Variants in ZNF638 observed in about 807,000 individuals in gnomAD.
The protein encoded by ZNF638 is zinc finger protein 638.
Under a neutral mutation model 195.6 loss-of-function variants are expected in ZNF638, and 46 were observed. The ratio of observed to expected loss-of-function variants is 0.24; its 90% confidence interval spans 0.19 to 0.30. ZNF638 has a LOEUF of 0.30. Among genes scored for constraint, ZNF638 ranks in the 10% least tolerant of loss-of-function variants. The pLI is 1.00. For missense variants in ZNF638, 2,440 were observed against 2,325.3 expected (o/e 1.05, Z -1.01); for synonymous variants, 845 against 772.0 (o/e 1.09, Z -1.57).
At chr2:71,425,776 T>A (rs2080526903) in intron 23 of ZNF638, among the ~76,000 whole-genome samples, 1 of 152,054 alleles carries the variant, frequency 6.6e-6, no homozygotes, top group South Asian at 2.1e-4. Flanking sequence ...TTCAAGTGTT[T>A]CTCCTGCCTC....
At chr2:71,418,330 C>A (rs540566950) in intron 20 of ZNF638, 351 of 263,530 alleles carry the variant, frequency 1.3e-3, no homozygotes, top group Non-Finnish European at 2.0e-3. Flanking sequence ...TTCCAGGCTT[C>A]TAAAGTTAAT....
At chr2:71,410,002 G>A (rs1411313280) in intron 20 of ZNF638, among the ~76,000 whole-genome samples, 4 of 152,070 alleles carry the variant, frequency 2.6e-5, no homozygotes, top group East Asian at 1.9e-4. Context: ...TTGCTCTTAC[G>A]TATTTCATTG....
At chr2:71,337,903 T>A (rs1448501286) in intron 1 of ZNF638, among the ~76,000 whole-genome samples, 17 of 152,222 alleles carry the variant, frequency 1.1e-4, no homozygotes, top group Non-Finnish European at 1.5e-5. Context: ...AAGTTGACAT[T>A]TTTGAAGAAT....
At position 71,348,839 on chromosome 2, in the gene ZNF638, C is replaced by G. The variant is rs778627194; in HGVS notation, c.-116C>G. The G allele has an allele frequency of 3.1e-6, 5 of 1,607,618 alleles. No individual in the cohort carries two copies. The South Asian group carries it at 4.4e-5, about 14-fold the overall frequency. The stretch of plus-strand genomic sequence containing the variant: ...AACCCACTTCTGTTGGGCCCATCTC[C>G]TTTGCACTTTGCTCAGATTAAGACT... On this transcript the variant is annotated 5_prime_UTR_variant, in exon 2 of 28. Coordinates refer to ENST00000264447, the MANE Select transcript of ZNF638 (RefSeq NM_014497.5).
intron 2 of ZNF638, among the ~76,000 whole-genome samples, chr2:71,351,361 C>T (rs2078937506): frequency 6.6e-6 from 1 of 152,160 alleles, no homozygotes; most frequent in Non-Finnish European, 1.5e-5. Context: ...AGCATTCTAC[C>T]CCATTTTAGC....
At chr2:71,354,391 A>T (rs1179959290) in intron 2 of ZNF638, among the ~76,000 whole-genome samples, 2 of 149,106 alleles carry the variant, frequency 1.3e-5, no homozygotes, top group Non-Finnish European at 3.0e-5. Flanking sequence ...ATTTATGGGT[A>T]CACATTGTAA....
At chr2:71,339,711 G>T (rs3771379) in intron 1 of ZNF638, among the ~76,000 whole-genome samples, 70,754 of 151,950 alleles carry the variant, frequency 0.47, 18,324 homozygotes, top group Admixed American at 0.6. Flanking sequence ...GCAGTAAATA[G>T]GGCTGTTAAC....
intron 21 of ZNF638, among the ~76,000 whole-genome samples, chr2:71,421,617 A>AGGGTAC (rs1352427369): frequency 1.3e-5 from 2 of 152,160 alleles, no homozygotes; most frequent in Non-Finnish European, 2.9e-5. Flanking sequence ...TGTTAACTGA[A>AGGGTAC]GGGTACATGG....
chr2:71,408,915 AC>A (rs1381950868), intron 20 of ZNF638: 1 of 185,784 alleles, frequency 5.4e-6, no homozygotes, highest in East Asian at 1.7e-4. Flanking sequence ...TATGATAGGT[AC>A]CAGTTTAAGC....
At chr2:71,339,951 A>G (rs916835107) in intron 1 of ZNF638, among the ~76,000 whole-genome samples, 3 of 152,356 alleles carry the variant, frequency 2.0e-5, no homozygotes, top group East Asian at 1.9e-4. Flanking sequence ...TGCAGGTCAC[A>G]TGCTCCTAAG....
chr2:71,391,934 C>T (rs898128358), intron 10 of ZNF638, among the ~76,000 whole-genome samples: 2 of 152,116 alleles, frequency 1.3e-5, no homozygotes, highest in African/African-American at 4.8e-5. Context: ...GCTAAACACT[C>T]CTCTACAGGA....
rs916026919 is a variant in ZNF638 at position 71,357,777 on chromosome 2, C to T, written c.1379+1997C>T. On this transcript the variant is annotated intron_variant, in intron 3 of 27. Coordinates refer to ENST00000264447, the MANE Select transcript of ZNF638 (RefSeq NM_014497.5). ...TAACCATATCCAGTGTATTTTGGTT[C>T]TCCACAGAGATGAATAGGGGAGATA... Among the ~76,000 whole-genome samples the T allele has an allele frequency of 3.9e-5, 6 of 152,148 alleles. No homozygotes were observed. The South Asian group carries it at 1.2e-3, about 32-fold the overall frequency.
In ZNF638 at chr2:71,349,030, A is replaced by G; in HGVS notation, c.76A>G (p.Arg26Gly). 6.2e-7 allele frequency: 1 copy of G among 1,614,198 alleles called. No homozygotes were observed. Among genetic ancestry groups the G allele is most frequent in the Non-Finnish European group, 8.5e-7 (1 of 1,180,022 alleles). Residue 26 changes from arginine (R) to glycine (G), a missense_variant, in exon 2 of 28, where the codon AGG becomes GGG. This residue lies in a region of ZNF638 where 191 missense variants were observed against 173.8 expected (regional missense o/e 1.10). Transcript: ENST00000264447. ...ACGAGCACCTAACCCTTCTGGGATG[A>G]GGCCTCCAGGACCATTTATGAGGCC... ...RPRAPNPSGM[R>G]PPGPFMRPGS...
chr2:71,364,838 G>C (rs920948857), intron 5 of ZNF638, among the ~76,000 whole-genome samples: 1 of 152,154 alleles, frequency 6.6e-6, no homozygotes, highest in African/African-American at 2.4e-5. Flanking sequence ...AGGATCGATT[G>C]GGGTCCTCAA....
Position 71,424,624 on chromosome 2 carries a change from T to C in ZNF638, c.4525-26T>C, listed in dbSNP as rs1389594419. 3 of 1,577,042 alleles carry C rather than the reference T, an allele frequency of 1.9e-6. No homozygotes were observed. The Admixed American group carries it at 5.6e-5, about 29-fold the overall frequency. ...ATAATATGGTTGTAAATTCCGTTTT[T>C]CTGTATTTCTTATTTACTATTTCAG... On this transcript the variant is annotated intron_variant, in intron 22 of 27. Coordinates refer to ENST00000264447, the MANE Select transcript of ZNF638 (RefSeq NM_014497.5).
chr2:71,358,694 C>G (rs1002451967), intron 3 of ZNF638, among the ~76,000 whole-genome samples: 4 of 152,180 alleles, frequency 2.6e-5, no homozygotes, highest in African/African-American at 9.6e-5. Flanking sequence ...TTACCTTCTG[C>G]ACATTTTTCT....
At chr2:71,354,343 C>CT (rs11372261) in intron 2 of ZNF638, among the ~76,000 whole-genome samples, 125,921 of 143,662 alleles carry the variant, frequency 0.88, 55,130 homozygotes, top group Admixed American at 0.9. Context: ...ACTGTATTGG[C>CT]TTTTTTTTTT....
chr2:71,433,862 G>A (rs147920173), intron 27 of ZNF638, among the ~76,000 whole-genome samples: 2 of 152,224 alleles, frequency 1.3e-5, no homozygotes, highest in African/African-American at 4.8e-5. Context: ...ATCTCCTCAT[G>A]AACTTCATGA....
At chr2:71,398,118 T>C (rs17040303) in intron 11 of ZNF638, among the ~76,000 whole-genome samples, 24,419 of 152,130 alleles carry the variant, frequency 0.16, 2,179 homozygotes, top group African/African-American at 0.21. Flanking sequence ...TTAACTTGCA[T>C]GAATGCTATT....
Sources: allele counts gnomAD v4.1 joint callset (sites outside exome capture counted in the v4.1 genomes callset), GRCh38; gene constraint gnomAD v4.1.1; regional missense constraint gnomAD v4.1.1; transcripts MANE v1.5; gene names NCBI Gene and HGNC (gene_info 2026-07-23, HGNC 2026-07-21).